AATK: variants seen among roughly 807,000 people sequenced by gnomAD.
The protein encoded by AATK is lemur tail kinase 1, also known as serine/threonine-protein kinase LMTK1.
A neutral mutation model predicts 114.3 loss-of-function variants in AATK; 91 were observed. That is an observed-to-expected ratio of 0.80 (90% CI 0.67 to 0.95). The LOEUF (loss-of-function observed/expected upper bound fraction) is 0.95. Ranked by LOEUF, AATK falls within the 40% of genes least tolerant of loss-of-function variation. The probability of loss-of-function intolerance (pLI) is 0.00; values close to 1 mark genes in which losing one functional copy is unlikely to be tolerated. For missense variants in AATK, 2,176 were observed against 1,965.2 expected, an observed-to-expected ratio of 1.11 and a Z score of -2.03; for synonymous variants, 1,075 against 916.5, an observed-to-expected ratio of 1.17 and a Z score of -3.12.
intron 3 of AATK, among the ~76,000 whole-genome samples, chr17:81,129,463 G>A (rs532201746): frequency 1.3e-5 from 2 of 152,310 alleles, no homozygotes; most frequent in East Asian, 1.9e-4. Flanking sequence ...GCAGGCAGCC[G>A]TCCTTCTCTG....
intron 2 of AATK, 138 bp from the exon 3 acceptor site, chr17:81,131,343 A>C (rs1310160968): frequency 1.7e-6 from 2 of 1,191,454 alleles, no homozygotes; most frequent in Non-Finnish European, 2.3e-6. Context: ...AGTTGGAGCC[A>C]CCGCCCCTGC....
At chr17:81,136,553 G>C (rs1160509818) in intron 1 of AATK, among the ~76,000 whole-genome samples, 4 of 152,104 alleles carry the variant, frequency 2.6e-5, no homozygotes, top group Non-Finnish European at 5.9e-5. Context: ...GCCATCCCAT[G>C]CCTGGTCCTT....
At position 81,122,057 on chromosome 17, in the gene AATK, C is replaced by T; in HGVS notation, c.1879G>A (p.Ala627Thr). 6.3e-7 allele frequency: 1 copy of T among 1,594,718 alleles called. No individual in the cohort carries two copies. The highest frequency in any genetic ancestry group is 8.5e-7 in the Non-Finnish European group (1 of 1,177,596). The change falls in exon 11 of 14, where the codon GCA becomes ACA. Residue 627 changes from alanine to threonine, a missense_variant. Around this residue, in one of 4 missense-constraint regions of AATK, gnomAD observed 1,701 missense variants for 1,394.7 expected, o/e 1.22. Coordinates refer to ENST00000326724, the MANE Select transcript of AATK (RefSeq NM_001080395.3). ...CAGAAGGCGGCCACGCCCCAGTCTG[C>T]ATCCTCCGCTCCTCCCTCCGCCAGA... Reference protein sequence around the residue: ...LSLAEGGAEDADWGVAAFCPA... With the variant: ...LSLAEGGAEDTDWGVAAFCPA...
At chr17:81,152,041 G>C (rs534282257) in intron 1 of AATK, among the ~76,000 whole-genome samples, 2 of 152,340 alleles carry the variant, frequency 1.3e-5, no homozygotes, top group South Asian at 4.1e-4. Context: ...TTGGGAGGCT[G>C]AGGTGGGCGG....
rs2060816895 is a variant in AATK, at chr17:81,126,083, G to A, written c.755+344C>T. On this transcript the variant is annotated intron_variant, in intron 7 of 13. Transcript: ENST00000326724. The surrounding 1 kb of genome is among the most constrained non-coding windows in gnomAD (Gnocchi z 5.1). ...CAGAACCCTCCCTCCAGGGTCCTTC[G>A]AAGCAGGGTCTGTCTCCCTCAAGCC... The A allele has an allele frequency of 1.7e-5, 8 of 484,104 alleles. No individual in the cohort carries two copies. The highest frequency in any genetic ancestry group is 2.7e-5 in the Admixed American group (1 of 36,414). 30.0% of individuals were successfully genotyped at this position (484,104 alleles called of 1,614,324 possible). A position where few individuals can be genotyped will look rare whatever the true frequency, so the allele number is the denominator to read the frequency against.
chr17:81,158,818 C>T (rs532362340), intron 1 of AATK, among the ~76,000 whole-genome samples: 44 of 152,288 alleles, frequency 2.9e-4, no homozygotes, highest in Non-Finnish European at 4.7e-4. Flanking sequence ...CCAGCACTGG[C>T]GGGAGGGGAA....
rs2060886387 is a variant in AATK at position 81,128,753 on chromosome 17, G to A, written c.335-204C>T. On this transcript the variant is annotated intron_variant, in intron 3 of 13. Transcript: ENST00000326724. The stretch of plus-strand genomic sequence containing the variant: ...CGCTGCTTCCCAGAAAAGCCACGGA[G>A]CTGCAGGATCCATCCGGGCATCTTT... 5.7e-6 allele frequency: 8 copies of A among 1,393,016 alleles called. No homozygotes were observed. In the East Asian group the frequency reaches 1.9e-4, roughly 34 times the overall value. 86.3% of individuals were successfully genotyped at this position (1,393,016 alleles called of 1,614,324 possible).
intron 1 of AATK, among the ~76,000 whole-genome samples, chr17:81,162,422 G>A (rs1292219054): frequency 6.6e-6 from 1 of 152,150 alleles, no homozygotes; most frequent in Non-Finnish European, 1.5e-5. Flanking sequence ...TGAGTGGTCT[G>A]GGAGACTGAA....
In AATK at chr17:81,120,523, G is replaced by T. The variant is rs781098815; in HGVS notation, c.3413C>A (p.Thr1138Asn). ...APQKRMGGPG[T>N]PRAPLRLALP... is the part of the protein sequence containing the mutation. ...AGCCAGGCGGAGTGGGGCTCTGGGG[G>T]TGCCTGGGCCCCCCATCCGCTTTTG... Residue 1138 changes from threonine to asparagine, a missense_variant, in exon 11 of 14, where the codon ACC becomes AAC. This residue lies in a region of AATK where 1,701 missense variants were observed against 1,394.7 expected (regional missense o/e 1.22). Coordinates refer to ENST00000326724, the MANE Select transcript of AATK (RefSeq NM_001080395.3). 10 of 1,484,690 alleles carry T rather than the reference G, an allele frequency of 6.7e-6. No homozygotes were observed. The South Asian group carries it at 1.4e-4, about 20-fold the overall frequency. 92.0% of individuals were successfully genotyped at this position (1,484,690 alleles called of 1,614,324 possible). A position where few individuals can be genotyped will look rare whatever the true frequency, so the allele number is the denominator to read the frequency against.
At position 81,124,755 on chromosome 17, in the gene AATK, C is replaced by T. The variant is rs761247763; in HGVS notation, c.934G>A (p.Val312Met). ...ACATTCCCGCTCTTGGTCTGGTCCA[C>T]GACGAGCAGGTTGCTATGCACCTCG... is the stretch of plus-strand genomic sequence containing the variant. ...VDEVHSNLLV[V>M]DQTKSGNVWS... The change falls in exon 9 of 14, where the codon GTG becomes ATG. Residue 312 changes from valine (V) to methionine (M), a missense_variant. Val to Met is a conservative substitution (Grantham distance 21). This residue lies in a region of AATK where 273 missense variants were observed against 344.1 expected (regional missense o/e 0.79). Transcript: ENST00000326724. 9.9e-6 allele frequency: 16 copies of T among 1,612,770 alleles called. No individual in the cohort carries two copies. The highest frequency in any genetic ancestry group is 1.4e-5 in the Non-Finnish European group (16 of 1,179,816).
Position 81,119,554 on chromosome 17 carries a change from AGTC to A in AATK, c.3907_3909del (p.Asp1303del), listed in dbSNP as rs766148804. On this transcript the variant is annotated inframe_deletion, in exon 13 of 14. Coordinates refer to ENST00000326724, the MANE Select transcript of AATK (RefSeq NM_001080395.3). Reference sequence around the variant, plus strand: ...GCTGCCTTGGCCGTCATCAGCGGGAAGTCGTCGTCCCACGCGAACCCACCACCT... The same window carrying A: ...GCTGCCTTGGCCGTCATCAGCGGGAAGTCGTCCCACGCGAACCCACCACCT... 22 of 1,580,604 alleles carry A rather than the reference AGTC, an allele frequency of 1.4e-5. No individual in the cohort carries two copies. Among genetic ancestry groups the A allele is most frequent in the Admixed American group, 1.2e-4 (7 of 56,212 alleles).
chr17:81,139,005 G>A (rs1017091003), intron 1 of AATK, among the ~76,000 whole-genome samples: 1 of 147,856 alleles, frequency 6.8e-6, no homozygotes, highest in Non-Finnish European at 1.5e-5. Context: ...ACGCATGCAC[G>A]CACCCCACAC....
At chr17:81,160,514 G>A (rs115510639) in intron 1 of AATK, among the ~76,000 whole-genome samples, 2 of 152,242 alleles carry the variant, frequency 1.3e-5, no homozygotes, top group Admixed American at 6.5e-5. Flanking sequence ...CGCCGGTCCC[G>A]CGGGCGCTTG....
At position 81,121,972 on chromosome 17, in the gene AATK, G is replaced by A. The variant is rs776612070; in HGVS notation, c.1964C>T (p.Pro655Leu). 9 of 1,599,976 alleles carry A rather than the reference G, an allele frequency of 5.6e-6. No homozygotes were observed. Among genetic ancestry groups the A allele is most frequent in the Admixed American group, 1.7e-5 (1 of 59,888 alleles). Residue 655 changes from proline (P) to leucine (L), a missense_variant, in exon 11 of 14, where the codon CCG becomes CTG. Physicochemically the swap from Pro to Leu is moderately conservative, Grantham distance 98. Around this residue, in one of 4 missense-constraint regions of AATK, gnomAD observed 1,701 missense variants for 1,394.7 expected, o/e 1.22. Transcript: ENST00000326724. ...TSPLGSSGAP[P>L]LPLTGEDELE... is the part of the protein sequence containing the mutation. ...CTCATCCTCGCCAGTCAGCGGCAGC[G>A]GGGGCGCCCCTGAGCTCCCCAAAGG...
Position 81,126,337 on chromosome 17 carries a change from C to T in AATK, c.755+90G>A. The T allele has an allele frequency of 1.4e-6, 2 of 1,442,130 alleles. No individual in the cohort carries two copies. The highest frequency in any genetic ancestry group is 1.8e-6 in the Non-Finnish European group (2 of 1,081,530). 89.3% of individuals were successfully genotyped at this position (1,442,130 alleles called of 1,614,324 possible). A position where few individuals can be genotyped will look rare whatever the true frequency, so the allele number is the denominator to read the frequency against. ...GATGAACCTGGCCGGTCCTCGCAAG[C>T]CCCCTGAGGCAGGACCCGCCCTATG... On this transcript the variant is annotated intron_variant, in intron 7 of 13. Coordinates refer to ENST00000326724, the MANE Select transcript of AATK (RefSeq NM_001080395.3). This position sits in a 1 kb window ranked among gnomAD's most constrained non-coding sequence, Gnocchi z 5.1.
rs773444741 is a variant in AATK, at chr17:81,126,377, G to C, written c.755+50C>G. ...CCCGCCCTATGCCCTTCCTTCAGGGGAGGGGCCTGGCCTAGGGCTTCCCGG... is the reference window on the plus strand; with the variant it reads ...CCCGCCCTATGCCCTTCCTTCAGGGCAGGGGCCTGGCCTAGGGCTTCCCGG... On this transcript the variant is annotated intron_variant, in intron 7 of 13. Coordinates refer to ENST00000326724, the MANE Select transcript of AATK (RefSeq NM_001080395.3). This position sits in a 1 kb window ranked among gnomAD's most constrained non-coding sequence, Gnocchi z 5.1. The C allele has an allele frequency of 1.3e-6, 2 of 1,522,184 alleles. No homozygotes were observed. The highest frequency in any genetic ancestry group is 4.0e-5 in the Admixed American group (2 of 49,908). 94.3% of individuals were successfully genotyped at this position (1,522,184 alleles called of 1,614,324 possible).
chr17:81,119,269 AGCGGAGCCGGG>A, intron 13 of AATK, 100 bp downstream of exon 13: 2 of 1,069,306 alleles, frequency 1.9e-6, no homozygotes, highest in Non-Finnish European at 2.5e-6. Context: ...AGCGGAGCGG[AGCGGAGCCGGG>A]GCTGGCCCGG....
chr17:81,118,562 A>C lies in AATK; in HGVS notation c.4085-120T>G, dbSNP rs1234353645. ...ACAGGCCGGGCCCCTTCCCTGCAGC[A>C]GATCTGGCTGTGTCTAGGTGAGAGA... On this transcript the variant is annotated intron_variant, in intron 13 of 13. Coordinates refer to ENST00000326724, the MANE Select transcript of AATK (RefSeq NM_001080395.3). The C allele has an allele frequency of 1.2e-5, 12 of 1,037,436 alleles. No homozygotes were observed. The Admixed American group carries it at 2.3e-4, about 20-fold the overall frequency. 64.3% of individuals were successfully genotyped at this position (1,037,436 alleles called of 1,614,324 possible). A position where few individuals can be genotyped will look rare whatever the true frequency, so the allele number is the denominator to read the frequency against.
Position 81,147,421 on chromosome 17 carries a change from T to C in AATK, c.56-12920A>G, listed in dbSNP as rs2061236895. 2.7e-5 allele frequency among the ~76,000 whole-genome samples: 4 copies of C among 145,978 alleles called. 1 individual carries two copies. The South Asian group carries it at 8.7e-4, about 32-fold the overall frequency. ...GTTCAACAGTGAAAGAATGATGAAATAAAAACAATGGTATATCTGCAAAAT... is the reference window on the plus strand; with the variant it reads ...GTTCAACAGTGAAAGAATGATGAAACAAAAACAATGGTATATCTGCAAAAT... On this transcript the variant is annotated intron_variant, in intron 1 of 13. Coordinates refer to ENST00000326724, the MANE Select transcript of AATK (RefSeq NM_001080395.3).
Sources: gnomAD v4.1 joint callset for allele counts (sites outside exome capture counted in the v4.1 genomes callset) on GRCh38, gnomAD v4.1.1 for gene constraint, gnomAD v4.1.1 regional missense constraint, Gnocchi (gnomAD v3.1) non-coding constraint, MANE v1.5 for transcripts, NCBI Gene and HGNC (gene_info 2026-07-23, HGNC 2026-07-21) for gene names.